Variants in SLC44A1 observed in about 807,000 individuals in gnomAD.
SLC44A1 encodes choline transporter-like protein 1.
Under a neutral mutation model 79.3 loss-of-function variants are expected in SLC44A1, and 26 were observed. The ratio of observed to expected loss-of-function variants is 0.33; its 90% CI spans 0.24 to 0.46. The LOEUF (loss-of-function observed/expected upper bound fraction) is 0.46. Among genes scored for constraint, SLC44A1 ranks in the 20% least tolerant of loss-of-function variants. SLC44A1 has a pLI of 1.00. For synonymous variants in SLC44A1, 263 were observed against 286.2 expected (o/e 0.92, Z 0.82); for missense variants, 688 against 798.1 (o/e 0.86, Z 1.66).
chr9:105,397,900 A>C (rs1180415552), downstream of SLC44A1, among the ~76,000 whole-genome samples: 1 of 152,130 alleles, frequency 6.6e-6, no homozygotes, highest in Non-Finnish European at 1.5e-5. Flanking sequence ...GTGAGCCAAG[A>C]TCGCATCACC....
chr9:105,299,269 T>TA lies in SLC44A1; in HGVS notation c.87dup (p.Pro30ThrfsTer79). ...CTGGAGGACCGTAGCTGCACAGACA[T>TA]ACCATGGCTGCTGCTCTTCATCCTC... On this transcript the variant is annotated frameshift_variant, in exon 2 of 16. Coordinates refer to ENST00000374720, the MANE Select transcript of SLC44A1 (RefSeq NM_080546.5). LOFTEE classifies it high-confidence loss of function. The TA allele has an allele frequency of 6.3e-7, 1 of 1,597,908 alleles. No individual in the cohort carries two copies. Among genetic ancestry groups the TA allele is most frequent in the Non-Finnish European group, 8.5e-7 (1 of 1,174,780 alleles).
chr9:105,391,188 C>G lies in SLC44A1; in HGVS notation c.*2132C>G. The G allele has an allele frequency of 1.0e-6, 1 of 985,760 alleles. No homozygotes were observed. Among genetic ancestry groups the G allele is most frequent in the Non-Finnish European group, 1.2e-6 (1 of 829,928 alleles). 61.1% of individuals were successfully genotyped at this position (985,760 alleles called of 1,614,324 possible). ...AAGTCCTGAACTTGGAAATTAGGTT[C>G]TACTCACTTGGACATCCCTGCATCA... On this transcript the variant is annotated 3_prime_UTR_variant, in exon 16 of 16. Coordinates refer to ENST00000374720, the MANE Select transcript of SLC44A1 (RefSeq NM_080546.5).
At chr9:105,325,454 G>T (rs149789571) in intron 3 of SLC44A1, among the ~76,000 whole-genome samples, 30 of 152,186 alleles carry the variant, frequency 2.0e-4, no homozygotes, top group Non-Finnish European at 4.3e-4. Context: ...TAATTATGGA[G>T]GTTGAGAAGT....
intron 12 of SLC44A1, 146 bp from the exon 13 acceptor site, chr9:105,374,452 A>T: frequency 1.6e-6 from 1 of 606,158 alleles, no homozygotes; most frequent in Non-Finnish European, 2.8e-6. Flanking sequence ...ATTTTCTTGT[A>T]CTCAGTCTCG....
At chr9:105,287,203 C>T (rs1342279752) in intron 1 of SLC44A1, among the ~76,000 whole-genome samples, 1 of 152,046 alleles carries the variant, frequency 6.6e-6, no homozygotes, top group Non-Finnish European at 1.5e-5. Context: ...AACTTTAAGA[C>T]CTCACAGTCT....
chr9:105,371,263 A>G (rs1476945593), intron 12 of SLC44A1, among the ~76,000 whole-genome samples: 2 of 152,230 alleles, frequency 1.3e-5, no homozygotes, highest in Non-Finnish European at 2.9e-5. Context: ...ACTCTAGAAC[A>G]GGAGGTCAGC....
At chr9:105,365,958 C>T (rs920584992) in intron 11 of SLC44A1, among the ~76,000 whole-genome samples, 2 of 152,226 alleles carry the variant, frequency 1.3e-5, no homozygotes, top group African/African-American at 4.8e-5. Context: ...TCAAATTCTA[C>T]TCCTTTGTAG....
At chr9:105,261,492 CCCA>C (rs1829837547) in intron 1 of SLC44A1, among the ~76,000 whole-genome samples, 1 of 152,100 alleles carries the variant, frequency 6.6e-6, no homozygotes, top group African/African-American at 2.4e-5. Flanking sequence ...ACTGCTTCTG[CCCA>C]TTGCAGCAAT....
intron 3 of SLC44A1, among the ~76,000 whole-genome samples, chr9:105,324,095 G>T (rs377505091): frequency 6.6e-6 from 1 of 151,884 alleles, no homozygotes; most frequent in Non-Finnish European, 1.5e-5. Context: ...TCCACCTCCC[G>T]GATTCACGCC....
In SLC44A1 at chr9:105,264,996, A is replaced by G. The variant is rs184951890; in HGVS notation, c.36+20092A>G. ...TTTTTAGTAGAGACGGGGTTTCTCCATGTTGGTCAGGCTGGTCTCGAACTC... is the reference window on the plus strand; with the variant it reads ...TTTTTAGTAGAGACGGGGTTTCTCCGTGTTGGTCAGGCTGGTCTCGAACTC... On this transcript the variant is annotated intron_variant, in intron 1 of 15. Coordinates refer to ENST00000374720, the MANE Select transcript of SLC44A1 (RefSeq NM_080546.5). 3.9e-5 allele frequency among the ~76,000 whole-genome samples: 6 copies of G among 152,174 alleles called. No individual in the cohort carries two copies. The East Asian group carries it at 9.7e-4, about 25-fold the overall frequency.
At chr9:105,299,350 TC>T (rs761687992) in intron 2 of SLC44A1, 41 bp downstream of exon 2, 1 of 1,366,746 alleles carries the variant, frequency 7.3e-7, no homozygotes, top group Non-Finnish European at 1.0e-6. Flanking sequence ...GGACTCATGA[TC>T]CAAGGGAATG....
chr9:105,278,767 C>A (rs868030613), intron 1 of SLC44A1, among the ~76,000 whole-genome samples: 36 of 152,344 alleles, frequency 2.4e-4, no homozygotes, highest in African/African-American at 7.9e-4. Flanking sequence ...ACTGAATCAG[C>A]TACCACATAT....
At chr9:105,418,309 C>A (rs1356848258) in intron 15 of SLC44A1, among the ~76,000 whole-genome samples, 2 of 120,972 alleles carry the variant, frequency 1.7e-5, no homozygotes, top group East Asian at 2.2e-4. Context: ...AGCAAAACTC[C>A]GTCTCAAAAA....
chr9:105,364,814 G>A, intron 10 of SLC44A1, 94 bp downstream of exon 10: 1 of 923,292 alleles, frequency 1.1e-6, no homozygotes, highest in Non-Finnish European at 1.7e-6. Context: ...GCTGGCAGGA[G>A]TTTCATTTCT....
At chr9:105,343,843 T>C (rs536463043) in intron 4 of SLC44A1, among the ~76,000 whole-genome samples, 1 of 152,184 alleles carries the variant, frequency 6.6e-6, no homozygotes, top group Non-Finnish European at 1.5e-5. Flanking sequence ...GTCTTGTACA[T>C]AGATGTTCAA....
rs1459005229 is a variant in SLC44A1, at chr9:105,415,409, CAGAGGATT to C, written c.1951-22871_1951-22864del. Among the ~76,000 whole-genome samples the C allele has an allele frequency of 4.5e-4, 69 of 152,358 alleles. 1 individual carries two copies. The highest frequency in any genetic ancestry group is 1.6e-3 in the African/African-American group (66 of 41,592). On this transcript the variant is annotated intron_variant, in intron 15 of 15. Coordinates refer to the SLC44A1 transcript ENST00000374724. ...CATTTTAACAAACCCCAACCCAGTC[CAGAGGATT>C]CTGCTGTATAATAAACTTTGCTAAC...
At chr9:105,433,907 A>G (rs1194179602) in intron 15 of SLC44A1, among the ~76,000 whole-genome samples, 1 of 152,228 alleles carries the variant, frequency 6.6e-6, no homozygotes, top group Non-Finnish European at 1.5e-5. Flanking sequence ...CCTTGGGGAA[A>G]GTCTCTACCA....
intron 1 of SLC44A1, among the ~76,000 whole-genome samples, chr9:105,245,723 G>C (rs1026896945): frequency 6.6e-6 from 1 of 152,192 alleles, no homozygotes; most frequent in Non-Finnish European, 1.5e-5. Context: ...GAATGTTGTC[G>C]CTGAGGGCTG....
chr9:105,254,993 A>T (rs1829669371), intron 1 of SLC44A1, among the ~76,000 whole-genome samples: 2 of 152,042 alleles, frequency 1.3e-5, no homozygotes, highest in Admixed American at 1.3e-4. Context: ...TTCCACCTCC[A>T]GCTGATACAC....
Sources: allele counts gnomAD v4.1 joint callset (sites outside exome capture counted in the v4.1 genomes callset), GRCh38; gene constraint gnomAD v4.1.1; transcripts MANE v1.5; gene names NCBI Gene and HGNC (gene_info 2026-07-23, HGNC 2026-07-21).